SUCLG2: variants seen among roughly 807,000 people sequenced by gnomAD.
SUCLG2 encodes succinate-CoA ligase GDP-forming subunit beta, also known as succinate--CoA ligase [GDP-forming] subunit beta, mitochondrial.
Under a neutral mutation model 47.9 loss-of-function variants are expected in SUCLG2, and 42 were observed. The observed-to-expected ratio is 0.88, with a 90% CI of 0.69 to 1.14. The LOEUF (loss-of-function observed/expected upper bound fraction) is 1.14. Ranked by LOEUF, SUCLG2 falls within the 50% of genes most tolerant of loss-of-function variation. The pLI is 0.00. For missense variants in SUCLG2, 571 were observed against 525.9 expected (o/e 1.09, Z -0.84); for synonymous variants, 195 against 197.3 (o/e 0.99, Z 0.10).
chr3:67,599,286 G>T (rs940399077), intron 2 of SUCLG2, among the ~76,000 whole-genome samples: 1 of 152,192 alleles, frequency 6.6e-6, no homozygotes, highest in Middle Eastern at 3.2e-3. Context: ...ATGAAAGAAA[G>T]AATTTGGACG....
Position 67,509,806 on chromosome 3 carries a change from G to T in SUCLG2, c.661-903C>A, listed in dbSNP as rs528207796. ...CCCACTGCCACATTTCACTCATTGT[G>T]CCAGCCTCGGATTACTTGCAGCAGA... On this transcript the variant is annotated intron_variant, in intron 6 of 10. Coordinates refer to ENST00000307227, the MANE Select transcript of SUCLG2 (RefSeq NM_003848.4). Among the ~76,000 whole-genome samples, 333 of 152,280 alleles carry T rather than the reference G, an allele frequency of 2.2e-3. 2 individuals are homozygous for T. The highest frequency in any genetic ancestry group is 7.8e-3 in the African/African-American group (325 of 41,542).
intron 9 of SUCLG2, among the ~76,000 whole-genome samples, chr3:67,480,724 A>C (rs2107014763): frequency 6.6e-6 from 1 of 152,362 alleles, no homozygotes; most frequent in African/African-American, 2.4e-5. Context: ...TTGTGGCCAG[A>C]GACCATCCCT....
At chr3:67,426,186 A>C (rs1703298055) in intron 9 of SUCLG2, among the ~76,000 whole-genome samples, 1 of 152,206 alleles carries the variant, frequency 6.6e-6, no homozygotes, top group Non-Finnish European at 1.5e-5. Context: ...AATAAAAAAA[A>C]CAAGCAAACA....
intron 1 of SUCLG2, among the ~76,000 whole-genome samples, chr3:67,622,010 G>A (rs549653397): frequency 2.0e-5 from 3 of 152,230 alleles, no homozygotes; most frequent in Admixed American, 6.5e-5. Flanking sequence ...GCGGGCAACA[G>A]GCTACAGTAC....
chr3:67,365,777 G>T (rs903478670), intron 10 of SUCLG2, among the ~76,000 whole-genome samples: 1 of 152,126 alleles, frequency 6.6e-6, no homozygotes, highest in African/African-American at 2.4e-5. Context: ...ATTTCTTGAC[G>T]ATTTTTAAAC....
chr3:67,376,550 T>G (rs1288315338), intron 10 of SUCLG2: 18 of 934,692 alleles, frequency 1.9e-5, no homozygotes, highest in Non-Finnish European at 2.3e-5. Context: ...ATGAAATATC[T>G]CATCCTACAT....
chr3:67,522,513 T>C (rs1429086781), intron 4 of SUCLG2, among the ~76,000 whole-genome samples: 2 of 152,030 alleles, frequency 1.3e-5, no homozygotes, highest in East Asian at 3.9e-4. Context: ...ATAAGTACTG[T>C]CAAAGTGCTT....
intron 9 of SUCLG2, among the ~76,000 whole-genome samples, chr3:67,489,208 G>A (rs894927991): frequency 6.6e-5 from 10 of 152,092 alleles, no homozygotes; most frequent in African/African-American, 2.4e-4. Flanking sequence ...AATGTGAGGT[G>A]GGCAAGGAGG....
intron 2 of SUCLG2, among the ~76,000 whole-genome samples, chr3:67,558,305 A>G (rs1707213906): frequency 1.3e-5 from 2 of 151,516 alleles, no homozygotes; most frequent in Admixed American, 6.6e-5. Flanking sequence ...AGAAACAATT[A>G]AAACTAATTT....
chr3:67,486,596 T>A (rs950026028), intron 9 of SUCLG2, among the ~76,000 whole-genome samples: 1 of 152,208 alleles, frequency 6.6e-6, no homozygotes, highest in South Asian at 2.1e-4. Context: ...TTGCTTCTCA[T>A]GGCCAACAGC....
chr3:67,576,386 T>G lies in SUCLG2; in HGVS notation c.226+33069A>C, dbSNP rs17046626. Among the ~76,000 whole-genome samples the G allele has an allele frequency of 2.8e-3, 426 of 152,144 alleles. 4 individuals carry two copies. Among genetic ancestry groups the G allele is most frequent in the African/African-American group, 9.9e-3 (410 of 41,514 alleles). ...GTATTTCATGTGGGCCAGTAAACAA[T>G]TGGTCCAAGTTTTAACAGGAAAAAA... On this transcript the variant is annotated intron_variant, in intron 2 of 10. Coordinates refer to ENST00000307227, the MANE Select transcript of SUCLG2 (RefSeq NM_003848.4).
chr3:67,606,048 C>A (rs984019293), intron 2 of SUCLG2, among the ~76,000 whole-genome samples: 1 of 151,792 alleles, frequency 6.6e-6, no homozygotes, highest in African/African-American at 2.4e-5. Context: ...AAAATAAAGA[C>A]ACAAAAATTA....
At chr3:67,615,175 C>A (rs1700601971) in intron 1 of SUCLG2, among the ~76,000 whole-genome samples, 1 of 151,434 alleles carries the variant, frequency 6.6e-6, no homozygotes, top group African/African-American at 2.4e-5. Flanking sequence ...CAAAGAGAAC[C>A]AGAAGATAAC....
intron 9 of SUCLG2, among the ~76,000 whole-genome samples, chr3:67,462,502 C>G (rs9828375): frequency 0.075 from 11,402 of 152,202 alleles, 580 homozygotes; most frequent in African/African-American, 0.14. Flanking sequence ...AAGAGGATGG[C>G]GTTCAGGAGC....
intron 6 of SUCLG2, among the ~76,000 whole-genome samples, chr3:67,515,793 C>G (rs1022200328): frequency 1.3e-5 from 2 of 152,100 alleles, no homozygotes; most frequent in African/African-American, 4.8e-5. Context: ...TTGAGCAAGC[C>G]CCATAAAGCA....
At chr3:67,411,646 A>G (rs1048279131) in intron 9 of SUCLG2, among the ~76,000 whole-genome samples, 1 of 152,184 alleles carries the variant, frequency 6.6e-6, no homozygotes, top group Non-Finnish European at 1.5e-5. Flanking sequence ...TCACTAGTAT[A>G]TTTGTGAAAG....
chr3:67,408,362 C>T (rs1181077557), intron 9 of SUCLG2, among the ~76,000 whole-genome samples: 1 of 152,160 alleles, frequency 6.6e-6, no homozygotes, highest in African/African-American at 2.4e-5. Flanking sequence ...TTTAGTGAGT[C>T]CACGATCCTG....
At chr3:67,461,870 G>A (rs1013722637) in intron 9 of SUCLG2, among the ~76,000 whole-genome samples, 2 of 152,060 alleles carry the variant, frequency 1.3e-5, no homozygotes, top group African/African-American at 4.8e-5. Context: ...GGCAGGCAAA[G>A]TGAGGAGGGA....
intron 2 of SUCLG2, among the ~76,000 whole-genome samples, chr3:67,578,113 C>T (rs1434640771): frequency 1.3e-5 from 2 of 151,412 alleles, no homozygotes; most frequent in African/African-American, 4.9e-5. Context: ...AAAATCACAT[C>T]TACTTTTGGT....
Sources: allele counts gnomAD v4.1 joint callset (sites outside exome capture counted in the v4.1 genomes callset), GRCh38; gene constraint gnomAD v4.1.1; transcripts MANE v1.5; gene names NCBI Gene and HGNC (gene_info 2026-07-23, HGNC 2026-07-21).